The following UGT2B4 variants were observed in gnomAD, a reference collection of about 807,000 sequenced individuals.
UGT2B4 encodes UDP-glucuronosyltransferase 2B4.
A neutral mutation model predicts 49.8 loss-of-function variants in UGT2B4; 49 were observed. The observed-to-expected ratio is 0.98, with a 90% CI of 0.78 to 1.25. The LOEUF (loss-of-function observed/expected upper bound fraction) is 1.25, where lower values mean the gene tolerates loss of function less well. Ranked by LOEUF, UGT2B4 falls within the 50% of genes most tolerant of loss-of-function variation. UGT2B4 has a pLI of 0.00. For missense variants in UGT2B4, 729 were observed against 627.7 expected (o/e 1.16, Z -1.73); for synonymous variants, 246 against 217.7 (o/e 1.13, Z -1.14).
chr4:69,482,370 A>T (rs1727619413), intron 5 of UGT2B4, among the ~76,000 whole-genome samples: 1 of 152,200 alleles, frequency 6.6e-6, no homozygotes, highest in Admixed American at 6.5e-5. Flanking sequence ...AAGTGTACAT[A>T]CGCTAAGTGA....
chr4:69,480,684 A>G lies in UGT2B4; in HGVS notation c.1537T>C (p.Phe513Leu), dbSNP rs1238914149. 6.2e-7 allele frequency: 1 copy of G among 1,614,006 alleles called. No homozygotes were observed. Among genetic ancestry groups the G allele is most frequent in the Non-Finnish European group, 8.5e-7 (1 of 1,179,974 alleles). The change falls in exon 6 of 6, where the codon TTT becomes CTT. Residue 513 changes from phenylalanine (F) to leucine (L), a missense_variant. Physicochemically the swap from Phe to Leu is conservative, Grantham distance 22. Coordinates refer to ENST00000305107, the MANE Select transcript of UGT2B4 (RefSeq NM_021139.3). ...GTTCTAACAAACTTCCAGACACAAA[A>G]CAGACATTTTGTGATGATGAATATC... is the stretch of plus-strand genomic sequence containing the variant. ...TVIFIITKCL[F>L]CVWKFVRTGK...
intron 1 of UGT2B4, among the ~76,000 whole-genome samples, chr4:69,520,813 T>A (rs1728831916): frequency 6.6e-6 from 1 of 152,154 alleles, no homozygotes; most frequent in South Asian, 2.1e-4. Context: ...GACTTGTTCA[T>A]GGCACAGGAG....
intron 1 of UGT2B4, among the ~76,000 whole-genome samples, chr4:69,520,578 C>G (rs1306938409): frequency 6.6e-6 from 1 of 152,246 alleles, no homozygotes; most frequent in Non-Finnish European, 1.5e-5. Context: ...CTCCCGGAAC[C>G]CAGTCTGGGG....
intron 3 of UGT2B4, among the ~76,000 whole-genome samples, chr4:69,487,035 T>C (rs324407): frequency 1.7e-4 from 26 of 152,288 alleles, no homozygotes; most frequent in African/African-American, 6.0e-4. Flanking sequence ...CACAAAGAGA[T>C]ACCATCTCAC....
chr4:69,506,105 G>A (rs189446360), intron 1 of UGT2B4, among the ~76,000 whole-genome samples: 78 of 152,162 alleles, frequency 5.1e-4, no homozygotes, highest in African/African-American at 1.8e-3. Context: ...AGGACTAAAT[G>A]CCCGCATTGG....
chr4:69,481,698 C>T (rs909986295), intron 5 of UGT2B4, among the ~76,000 whole-genome samples: 6 of 152,108 alleles, frequency 3.9e-5, no homozygotes, highest in Admixed American at 6.5e-5. Flanking sequence ...CTCCAGCAGG[C>T]GTATAAAATC....
chr4:69,494,195 C>T (rs1379528892), intron 1 of UGT2B4, among the ~76,000 whole-genome samples: 3 of 152,032 alleles, frequency 2.0e-5, no homozygotes, highest in East Asian at 1.9e-4. Flanking sequence ...CTTTGAGCTC[C>T]GTGATCAATT....
At chr4:69,485,050 T>G (rs1387192842) in intron 5 of UGT2B4, among the ~76,000 whole-genome samples, 158 bp downstream of exon 5, 2 of 152,148 alleles carry the variant, frequency 1.3e-5, no homozygotes, top group African/African-American at 4.8e-5. Context: ...AATAAAATTT[T>G]TAAATAACCA....
chr4:69,489,468 C>T lies in UGT2B4; in HGVS notation c.973G>A (p.Ala325Thr). ...TGTGGGATCTTGGCAAGGGCTGATG[C>T]AATTACATTGGCCCTTTCTTCTGAC... ...NTSEERANVI[A>T]SALAKIPQKV... Residue 325 changes from alanine to threonine, a missense_variant, in exon 3 of 6, where the codon GCA (alanine) becomes ACA (threonine). Physicochemically the swap from Ala to Thr is moderately conservative, Grantham distance 58 (BLOSUM62 0). Transcript: ENST00000305107. 6.2e-7 allele frequency: 1 copy of T among 1,611,502 alleles called. No homozygotes were observed. The highest frequency in any genetic ancestry group is 1.1e-5 in the South Asian group (1 of 91,024).
chr4:69,514,719 G>A (rs139858143), intron 1 of UGT2B4, among the ~76,000 whole-genome samples: 4 of 152,148 alleles, frequency 2.6e-5, no homozygotes, highest in East Asian at 3.9e-4. Flanking sequence ...TGAGTTAATC[G>A]TGGTTTTGTC....
At chr4:69,507,522 A>G (rs970305447) in intron 1 of UGT2B4, among the ~76,000 whole-genome samples, 5 of 152,138 alleles carry the variant, frequency 3.3e-5, no homozygotes, top group Non-Finnish European at 5.9e-5. Context: ...AAAGATCTCC[A>G]AAATAACCAA....
chr4:69,480,600 T>C lies in UGT2B4; in HGVS notation c.*34A>G. The C allele has an allele frequency of 6.2e-7, 1 of 1,601,872 alleles. No homozygotes were observed. The highest frequency in any genetic ancestry group is 2.2e-5 in the East Asian group (1 of 44,754). On this transcript the variant is annotated 3_prime_UTR_variant, in exon 6 of 6. Transcript: ENST00000305107. Reference sequence around the variant, plus strand: ...TTGTAATAAACTAAAGGAGTTCATTTATTGGGTTTCCCAGCTTCCAGCCTC... The same window carrying C: ...TTGTAATAAACTAAAGGAGTTCATTCATTGGGTTTCCCAGCTTCCAGCCTC...
chr4:69,512,423 T>C (rs1030420024), intron 1 of UGT2B4, among the ~76,000 whole-genome samples: 17 of 152,168 alleles, frequency 1.1e-4, no homozygotes, highest in African/African-American at 4.1e-4. Flanking sequence ...GACAGTGTGT[T>C]GTTTATTTTT....
chr4:69,504,671 C>T (rs2109823404), intron 1 of UGT2B4, among the ~76,000 whole-genome samples: 1 of 95,596 alleles, frequency 1.0e-5, no homozygotes, highest in Admixed American at 1.2e-4. Flanking sequence ...AACTTGGAAA[C>T]CATATTTCAG....
chr4:69,500,645 G>GAAAGAAAGAAAT (rs1728290857), upstream of UGT2B4, among the ~76,000 whole-genome samples: 1 of 140,032 alleles, frequency 7.1e-6, no homozygotes, highest in African/African-American at 2.5e-5. Context: ...AAGAAAGAAA[G>GAAAGAAAGAAAT]AAAGAAAGAA....
rs1376458300 is a variant in UGT2B4 at position 69,502,087 on chromosome 4, CTCTCTCTTTCTTTCTTTCTT to C, written c.-105-6141_-105-6122del. ...CCTTCCTTCTTTTCTTTCTTTCTTT[CTCTCTCTTTCTTTCTTTCTT>C]TCTTTCTTTCTTTCTTTCTTTCTTT... On this transcript the variant is annotated intron_variant, in intron 1 of 1. Coordinates refer to the UGT2B4 transcript ENST00000510114. Among the ~76,000 whole-genome samples, 79 of 38,350 alleles carry C rather than the reference CTCTCTCTTTCTTTCTTTCTT, an allele frequency of 2.1e-3. 2 individuals are homozygous for C. The highest frequency in any genetic ancestry group is 3.5e-3 in the South Asian group (3 of 850). The allele number at this position is 38,350 out of a possible 152,430, so 25.2% of individuals were successfully genotyped here.
At chr4:69,496,731 A>G (rs1728177783), upstream of UGT2B4, among the ~76,000 whole-genome samples, 2 of 152,224 alleles carry the variant, frequency 1.3e-5, no homozygotes, top group South Asian at 2.1e-4. Context: ...TTCTGTCTCT[A>G]TAGATTTGCC....
At position 69,517,012 on chromosome 4, in the gene UGT2B4, T is replaced by A. The variant is rs116301419; in HGVS notation, c.-106+8675A>T. ...ATTGCTTTAAATACCTTGTAGATTA[T>A]GACTATTAGACCTTTGTCAGATGGA... On this transcript the variant is annotated intron_variant, in intron 1 of 1. Coordinates refer to the UGT2B4 transcript ENST00000510114. 5.2e-3 allele frequency among the ~76,000 whole-genome samples: 798 copies of A among 152,288 alleles called. 10 individuals are homozygous for A. Among genetic ancestry groups the A allele is most frequent in the Non-Finnish European group, 9.1e-3 (622 of 68,020 alleles).
chr4:69,482,224 T>C (rs1727613470), intron 5 of UGT2B4, among the ~76,000 whole-genome samples: 1 of 152,216 alleles, frequency 6.6e-6, no homozygotes. Flanking sequence ...GAGAGGCTTT[T>C]CCTGGCCACA....
Sources: allele counts gnomAD v4.1 joint callset (sites outside exome capture counted in the v4.1 genomes callset), GRCh38; gene constraint gnomAD v4.1.1; transcripts MANE v1.5; gene names NCBI Gene and HGNC (gene_info 2026-07-23, HGNC 2026-07-21).